WIPF3: variants seen among roughly 807,000 people sequenced by gnomAD.
The protein encoded by WIPF3 is WAS/WASL interacting protein family member 3.
WIPF3 carries 33 observed loss-of-function variants against 38.9 expected under a neutral mutation model. The observed-to-expected ratio is 0.85, with a 90% confidence interval of 0.64 to 1.14. The LOEUF (loss-of-function observed/expected upper bound fraction) is 1.14. Ranked by LOEUF, WIPF3 falls within the 50% of genes most tolerant of loss-of-function variation. WIPF3 has a pLI of 0.00. For missense variants in WIPF3, 711 were observed against 652.5 expected, an observed-to-expected ratio of 1.09 and a Z score of -0.98; for synonymous variants, 324 against 269.3, an observed-to-expected ratio of 1.20 and a Z score of -1.99.
At chr7:29,862,076 A>G (rs1785291798) in intron 2 of WIPF3, among the ~76,000 whole-genome samples, 1 of 152,184 alleles carries the variant, frequency 6.6e-6, no homozygotes, top group Admixed American at 6.5e-5. Flanking sequence ...GTGGTTGCTG[A>G]CATGGGAGGG....
chr7:29,830,844 C>T (rs773795314), intron 1 of WIPF3, among the ~76,000 whole-genome samples: 3 of 152,054 alleles, frequency 2.0e-5, no homozygotes, highest in Non-Finnish European at 4.4e-5. Flanking sequence ...GAGCACCTAC[C>T]GGGTGGGAGA....
At chr7:29,908,149 G>A (rs1353650010) in intron 8 of WIPF3, among the ~76,000 whole-genome samples, 1 of 152,224 alleles carries the variant, frequency 6.6e-6, no homozygotes. Context: ...TAGGTTGAAA[G>A]TGAAAGGATG....
At chr7:29,837,191 T>TAA (rs1784818446) in intron 2 of WIPF3, among the ~76,000 whole-genome samples, 1 of 151,600 alleles carries the variant, frequency 6.6e-6, no homozygotes, top group South Asian at 2.1e-4. Context: ...CCGTCTCTAC[T>TAA]AAAAATACAA....
chr7:29,826,321 G>A (rs551103248), intron 1 of WIPF3, among the ~76,000 whole-genome samples: 7 of 152,178 alleles, frequency 4.6e-5, no homozygotes, highest in African/African-American at 1.4e-4. Context: ...TCGGCCTTAC[G>A]CAGAAGCTTG....
At chr7:29,808,419 C>G (rs1784320802) in intron 1 of WIPF3, among the ~76,000 whole-genome samples, 1 of 152,202 alleles carries the variant, frequency 6.6e-6, no homozygotes, top group Non-Finnish European at 1.5e-5. Context: ...GCCTTTTTTA[C>G]AGATGAGAAA....
At chr7:29,821,568 C>G (rs570699536) in intron 1 of WIPF3, among the ~76,000 whole-genome samples, 6 of 152,212 alleles carry the variant, frequency 3.9e-5, no homozygotes, top group Non-Finnish European at 5.9e-5. Flanking sequence ...GGATTACAGG[C>G]ATAAGCCACT....
chr7:29,853,008 C>T lies in WIPF3; in HGVS notation c.90+18194C>T, dbSNP rs917462305. ...GAGACAGGTAAGGTCTAATTTTGGGCTCCCCTAAAAGTAGATTCTGAGACA... is the reference window on the plus strand; with the variant it reads ...GAGACAGGTAAGGTCTAATTTTGGGTTCCCCTAAAAGTAGATTCTGAGACA... On this transcript the variant is annotated intron_variant, in intron 2 of 8. Coordinates refer to ENST00000242140, the MANE Select transcript of WIPF3 (RefSeq NM_001080529.3). Among the ~76,000 whole-genome samples, 3 of 152,198 alleles carry T rather than the reference C, an allele frequency of 2.0e-5. No individual in the cohort carries two copies. In the South Asian group the frequency reaches 6.2e-4, roughly 32 times the overall value.
intron 2 of WIPF3, among the ~76,000 whole-genome samples, chr7:29,860,424 CCT>C (rs1562779769): frequency 6.6e-6 from 1 of 152,092 alleles, no homozygotes; most frequent in African/African-American, 2.4e-5. Context: ...GGTGCCTCCC[CCT>C]GTCTCTCTTC....
intron 2 of WIPF3, among the ~76,000 whole-genome samples, chr7:29,859,041 T>C (rs532923545): frequency 3.8e-4 from 58 of 152,332 alleles, no homozygotes; most frequent in Non-Finnish European, 7.3e-4. Context: ...GACAGATACA[T>C]GTCAAGATGT....
chr7:29,891,843 G>C (rs997667176), intron 7 of WIPF3, among the ~76,000 whole-genome samples: 7 of 152,296 alleles, frequency 4.6e-5, no homozygotes, highest in Non-Finnish European at 1.0e-4. Flanking sequence ...CTGAAAGCCA[G>C]AGAGAGAGGG....
intron 8 of WIPF3, among the ~76,000 whole-genome samples, chr7:29,908,100 T>A (rs28782326): frequency 6.6e-6 from 1 of 152,184 alleles, no homozygotes; most frequent in Non-Finnish European, 1.5e-5. Context: ...TCCAACAGTA[T>A]GCTGTTTACA....
At chr7:29,872,924 A>C (rs2128072898) in intron 2 of WIPF3, among the ~76,000 whole-genome samples, 1 of 151,992 alleles carries the variant, frequency 6.6e-6, no homozygotes, top group Non-Finnish European at 1.5e-5. Context: ...GGAATGTTAA[A>C]TTTAGCCCAC....
chr7:29,865,632 A>G (rs1785372456), intron 2 of WIPF3, among the ~76,000 whole-genome samples: 1 of 152,174 alleles, frequency 6.6e-6, no homozygotes, highest in Non-Finnish European at 1.5e-5. Flanking sequence ...TGACACAGTT[A>G]TAGAACACAT....
chr7:29,842,323 T>C (rs1784925009), intron 2 of WIPF3, among the ~76,000 whole-genome samples: 4 of 152,252 alleles, frequency 2.6e-5, no homozygotes, highest in Admixed American at 2.6e-4. Context: ...GGAAACTGGC[T>C]TGATAATCAC....
chr7:29,886,643 C>G (rs1785888708), intron 5 of WIPF3, among the ~76,000 whole-genome samples: 1 of 152,118 alleles, frequency 6.6e-6, no homozygotes, highest in African/African-American at 2.4e-5. Context: ...AAGTGTGAGC[C>G]ACTATGCCCG....
At chr7:29,846,463 G>A (rs1290862087) in intron 2 of WIPF3, among the ~76,000 whole-genome samples, 1 of 152,218 alleles carries the variant, frequency 6.6e-6, no homozygotes, top group Non-Finnish European at 1.5e-5. Context: ...CACTTTGGGA[G>A]GCCCAGGCAG....
chr7:29,852,971 C>T (rs914788855), intron 2 of WIPF3, among the ~76,000 whole-genome samples: 1 of 152,224 alleles, frequency 6.6e-6, no homozygotes, highest in African/African-American at 2.4e-5. Flanking sequence ...CTGGATCTTT[C>T]AACACCTTCA....
chr7:29,839,364 G>A (rs1235040422), intron 2 of WIPF3, among the ~76,000 whole-genome samples: 1 of 152,202 alleles, frequency 6.6e-6, no homozygotes, highest in Non-Finnish European at 1.5e-5. Context: ...CTGGGTGAAA[G>A]GTTGTGGGGG....
chr7:29,816,459 A>G (rs962997869), intron 1 of WIPF3, among the ~76,000 whole-genome samples: 1 of 151,876 alleles, frequency 6.6e-6, no homozygotes, highest in African/African-American at 2.4e-5. Flanking sequence ...AGCTGGGACT[A>G]CAAGTACACC....
Sources: allele counts gnomAD v4.1 joint callset (sites outside exome capture counted in the v4.1 genomes callset), GRCh38; gene constraint gnomAD v4.1.1; transcripts MANE v1.5; gene names NCBI Gene and HGNC (gene_info 2026-07-23, HGNC 2026-07-21).